SDK1: variants seen among roughly 807,000 people sequenced by gnomAD.
SDK1 encodes the protein protein sidekick-1.
In SDK1, 157 loss-of-function variants were observed where a neutral mutation model predicts 245.5. The observed-to-expected ratio is 0.64, with a 90% CI of 0.56 to 0.73. The LOEUF (loss-of-function observed/expected upper bound fraction) is 0.73, where lower values mean the gene tolerates loss of function less well. Among genes scored for constraint, SDK1 ranks in the 30% least tolerant of loss-of-function variants. SDK1 has a pLI of 0.00. For missense variants in SDK1, 3,583 were observed against 3,002.3 expected (o/e 1.19, Z -4.52); for synonymous variants, 1,647 against 1,278.5 (o/e 1.29, Z -6.15).
intron 14 of SDK1, among the ~76,000 whole-genome samples, chr7:3,990,414 T>C (rs1490060858): frequency 6.6e-6 from 1 of 152,242 alleles, no homozygotes; most frequent in Non-Finnish European, 1.5e-5. Context: ...GACGGCCATC[T>C]TAGCTTCCAT....
chr7:3,408,958 A>T (rs1212886184), intron 1 of SDK1, among the ~76,000 whole-genome samples: 2 of 152,218 alleles, frequency 1.3e-5, no homozygotes, highest in Non-Finnish European at 2.9e-5. Context: ...AAACCTAACC[A>T]GTTAATTAGC....
rs1016079870 is a variant in SDK1 at position 4,253,669 on chromosome 7, C to G, written c.6381+7864C>G. On this transcript the variant is annotated intron_variant, in intron 44 of 44. Coordinates refer to ENST00000404826, the MANE Select transcript of SDK1 (RefSeq NM_152744.4). Reference sequence around the variant, plus strand: ...GTCTAGCTGATTTATCATGTTGTTTCCATCTTCTGTATGTATGATCTTCTT... The same window carrying G: ...GTCTAGCTGATTTATCATGTTGTTTGCATCTTCTGTATGTATGATCTTCTT... Among the ~76,000 whole-genome samples the G allele has an allele frequency of 4.6e-5, 7 of 152,122 alleles. No individual in the cohort carries two copies. The South Asian group carries it at 1.0e-3, about 23-fold the overall frequency.
chr7:4,017,966 C>T (rs1786551137), intron 17 of SDK1, among the ~76,000 whole-genome samples: 1 of 152,150 alleles, frequency 6.6e-6, no homozygotes, highest in African/African-American at 2.4e-5. Flanking sequence ...TCCACAGCAT[C>T]TGGTTCCTCC....
At chr7:4,096,559 G>A (rs960753274) in intron 22 of SDK1, among the ~76,000 whole-genome samples, 3 of 152,072 alleles carry the variant, frequency 2.0e-5, no homozygotes, top group Admixed American at 6.6e-5. Context: ...TTCATTTAAC[G>A]CTTTAGCATG....
chr7:4,262,622 C>A (rs1788092667), intron 44 of SDK1, among the ~76,000 whole-genome samples: 1 of 151,176 alleles, frequency 6.6e-6, no homozygotes. Context: ...TCCGTCCCCT[C>A]CCCACCCTCG....
rs1005830587 is a variant in SDK1 at position 3,455,394 on chromosome 7, T to C, written c.298+153510T>C. On this transcript the variant is annotated intron_variant, in intron 1 of 44. Transcript: ENST00000404826. ...AGATTTTCTTTCCTTTTTTTTTTTT[T>C]CTAAAAGTTCTATAGTTTTAAGCAT... Among the ~76,000 whole-genome samples the C allele has an allele frequency of 4.0e-5, 6 of 151,034 alleles. No homozygotes were observed. The South Asian group carries it at 6.3e-4, about 16-fold the overall frequency.
chr7:3,723,319 C>T (rs1049561837), intron 4 of SDK1, among the ~76,000 whole-genome samples: 1 of 152,108 alleles, frequency 6.6e-6, no homozygotes, highest in African/African-American at 2.4e-5. Flanking sequence ...CAGCACTTTC[C>T]TGAAAGAAGA....
At chr7:4,007,549 T>C (rs1344704884) in intron 14 of SDK1, among the ~76,000 whole-genome samples, 7 of 152,090 alleles carry the variant, frequency 4.6e-5, no homozygotes, top group African/African-American at 1.4e-4. Flanking sequence ...ATGTATGTGA[T>C]TTCATACTCG....
At chr7:3,798,762 T>G (rs1042711978) in intron 4 of SDK1, among the ~76,000 whole-genome samples, 2 of 151,896 alleles carry the variant, frequency 1.3e-5, no homozygotes, top group African/African-American at 4.8e-5. Flanking sequence ...AAGGGGAGAG[T>G]AGTTAAGCCC....
chr7:4,175,227 C>T (rs1298115406), intron 33 of SDK1, among the ~76,000 whole-genome samples: 1 of 152,234 alleles, frequency 6.6e-6, no homozygotes, highest in Non-Finnish European at 1.5e-5. Flanking sequence ...AATTGCAGCA[C>T]TGGTGTCTGC....
intron 17 of SDK1, among the ~76,000 whole-genome samples, chr7:4,032,072 G>A (rs114237863): frequency 2.7e-5 from 4 of 150,494 alleles, no homozygotes; most frequent in South Asian, 2.1e-4. Flanking sequence ...TCGATCGATC[G>A]ATCATGTCCT....
Position 3,644,926 on chromosome 7 carries a change from C to G in SDK1, c.713+2821C>G, listed in dbSNP as rs1257659679. ...GATAAATGTTGGGGGAGAATTGGTA[C>G]CAGGGATGGGGGGAGTTAGATTGAA... On this transcript the variant is annotated intron_variant, in intron 4 of 44. Coordinates refer to ENST00000404826, the MANE Select transcript of SDK1 (RefSeq NM_152744.4). Among the ~76,000 whole-genome samples, 3 of 151,418 alleles carry G rather than the reference C, an allele frequency of 2.0e-5. No homozygotes were observed. In the South Asian group the frequency reaches 6.3e-4, roughly 32 times the overall value.
intron 5 of SDK1, among the ~76,000 whole-genome samples, chr7:3,903,621 G>A (rs1424525182): frequency 6.6e-6 from 1 of 152,212 alleles, no homozygotes; most frequent in East Asian, 1.9e-4. Context: ...CCACTCCTAG[G>A]TATGTATGCA....
At chr7:3,981,745 A>T (rs1783417563) in intron 13 of SDK1, among the ~76,000 whole-genome samples, 1 of 152,202 alleles carries the variant, frequency 6.6e-6, no homozygotes, top group Non-Finnish European at 1.5e-5. Flanking sequence ...CAGTTTTGTG[A>T]AGACAGAGAG....
chr7:3,567,203 A>G (rs938826708), intron 1 of SDK1, among the ~76,000 whole-genome samples: 1 of 152,184 alleles, frequency 6.6e-6, no homozygotes, highest in African/African-American at 2.4e-5. Flanking sequence ...TATCTACTTA[A>G]GGAGAACAGT....
chr7:3,954,873 G>A (rs538905271), intron 7 of SDK1, among the ~76,000 whole-genome samples: 5 of 151,868 alleles, frequency 3.3e-5, no homozygotes, highest in East Asian at 4.0e-4. Flanking sequence ...CATTGCACTC[G>A]CTATTTACCA....
rs542682194 is a variant in SDK1, at chr7:3,674,460, A to C, written c.713+32355A>C. ...AGAAACATTTAGAGGAGAGGGTGAC[A>C]ATACAGGGGCCTTTGCTGAGGCTGG... On this transcript the variant is annotated intron_variant, in intron 4 of 44. Coordinates refer to ENST00000404826, the MANE Select transcript of SDK1 (RefSeq NM_152744.4). Among the ~76,000 whole-genome samples, 36 of 152,176 alleles carry C rather than the reference A, an allele frequency of 2.4e-4. No individual in the cohort carries two copies. In the South Asian group the frequency reaches 7.5e-3, roughly 32 times the overall value.
Position 3,564,494 on chromosome 7 carries a change from T to A in SDK1, c.299-54586T>A, listed in dbSNP as rs569837465. Among the ~76,000 whole-genome samples the A allele has an allele frequency of 1.6e-3, 240 of 151,774 alleles. 2 individuals carry two copies. Among genetic ancestry groups the A allele is most frequent in the Non-Finnish European group, 2.3e-3 (156 of 67,936 alleles). On this transcript the variant is annotated intron_variant, in intron 1 of 44. Coordinates refer to ENST00000404826, the MANE Select transcript of SDK1 (RefSeq NM_152744.4). ...ACAGAGGGAGACTCTCAAAAAAAAA[T>A]TTATTTTAATAAAAAATACAGGACA...
intron 17 of SDK1, among the ~76,000 whole-genome samples, chr7:4,047,808 G>C (rs1201455084): frequency 6.6e-6 from 1 of 152,230 alleles, no homozygotes; most frequent in Non-Finnish European, 1.5e-5. Flanking sequence ...ATGGGCTCAG[G>C]AAAAGTGATT....
Sources: allele counts gnomAD v4.1 joint callset (sites outside exome capture counted in the v4.1 genomes callset), GRCh38; gene constraint gnomAD v4.1.1; transcripts MANE v1.5; gene names NCBI Gene and HGNC (gene_info 2026-07-23, HGNC 2026-07-21).